The following RBM33 variants were observed in gnomAD, a reference collection of about 807,000 sequenced individuals.
RBM33 encodes RNA-binding protein 33.
A neutral mutation model predicts 132.6 loss-of-function variants in RBM33; 28 were observed. The observed-to-expected ratio is 0.21, with a 90% CI of 0.16 to 0.29. The LOEUF (loss-of-function observed/expected upper bound fraction) is 0.29. Among genes scored for constraint, RBM33 ranks in the 10% least tolerant of loss-of-function variants. RBM33 has a pLI of 1.00. For synonymous variants in RBM33, 634 were observed against 593.0 expected, an observed-to-expected ratio of 1.07 and a Z score of -1.01; for missense variants, 1,291 against 1,518.5, an observed-to-expected ratio of 0.85 and a Z score of 2.49.
chr7:155,678,770 G>C, intron 4 of RBM33, 86 bp downstream of exon 4: 1 of 710,268 alleles, frequency 1.4e-6, no homozygotes, highest in Non-Finnish European at 2.4e-6. Context: ...GAATGTAATT[G>C]AATAATGTAG....
Position 155,745,692 on chromosome 7 carries a change from T to A in RBM33, c.2979+90T>A. 2 of 1,260,264 alleles carry A rather than the reference T, an allele frequency of 1.6e-6. No individual in the cohort carries two copies. Among genetic ancestry groups the A allele is most frequent in the Non-Finnish European group, 2.2e-6 (2 of 925,832 alleles). 78.1% of individuals were successfully genotyped at this position (1,260,264 alleles called of 1,614,324 possible). Reference sequence around the variant, plus strand: ...CAGAGAATGTTTTTGAAGAAAGAATTAAAAGTTACCTCTGTTATAGTCTTG... The same window carrying A: ...CAGAGAATGTTTTTGAAGAAAGAATAAAAAGTTACCTCTGTTATAGTCTTG... On this transcript the variant is annotated intron_variant, in intron 14 of 17. Transcript: ENST00000401878. The surrounding 1 kb of genome is among the most constrained non-coding windows in gnomAD (Gnocchi z 4.1).
intron 14 of RBM33, among the ~76,000 whole-genome samples, chr7:155,762,288 C>T (rs1162689407): frequency 6.6e-6 from 1 of 152,250 alleles, no homozygotes; most frequent in Non-Finnish European, 1.5e-5. Flanking sequence ...ATGGGCTTCC[C>T]TGTGCCTTTC....
rs1180684647 is a variant in RBM33 at position 155,665,238 on chromosome 7, A to C, written c.107A>C (p.Asp36Ala). The C allele has an allele frequency of 6.8e-6, 11 of 1,613,754 alleles. No individual in the cohort carries two copies. The South Asian group carries it at 9.9e-5, about 14-fold the overall frequency. ...CGGTCGTGGAGAAGAAGAGCTGCTG[A>C]TGAGGACTGGGACAGGTACGTGCAC... is the stretch of plus-strand genomic sequence containing the variant. The part of the protein sequence containing the change: ...AERSWRRRAA[D>A]EDWDSELEDD... The change falls in exon 2 of 18, where the codon GAT becomes GCT. Residue 36 changes from aspartate (D) to alanine (A), a missense_variant. By Grantham distance (126) the Asp-to-Ala change is moderately radical. Transcript: ENST00000401878.
chr7:155,765,487 C>T (rs7790211), intron 15 of RBM33, among the ~76,000 whole-genome samples: 43,439 of 152,030 alleles, frequency 0.29, 7,447 homozygotes, highest in African/African-American at 0.48. Context: ...CTTTTGTGTG[C>T]GTGCACACTC....
At chr7:155,675,236 G>A (rs1799143680) in intron 3 of RBM33, among the ~76,000 whole-genome samples, 2 of 147,362 alleles carry the variant, frequency 1.4e-5, no homozygotes, top group East Asian at 4.0e-4. Flanking sequence ...GGAGGTTGCA[G>A]TGAACCGAGA....
At position 155,673,766 on chromosome 7, in the gene RBM33, GCGCACACACA is replaced by G. The variant is rs1563138035; in HGVS notation, c.171+853_171+862del. Among the ~76,000 whole-genome samples, 243 of 120,306 alleles carry G rather than the reference GCGCACACACA, an allele frequency of 2.0e-3. 4 individuals are homozygous for G. The highest frequency in any genetic ancestry group is 3.1e-3 in the Non-Finnish European group (190 of 60,588). The allele number at this position is 120,306 out of a possible 152,430, so 78.9% of individuals were successfully genotyped here. On this transcript the variant is annotated intron_variant, in intron 3 of 17. Transcript: ENST00000401878. ...CACACGTGTATATACGCGCGCATGC[GCGCACACACA>G]CACACACACACACACACACACACAC...
At chr7:155,689,987 CG>C (rs1257777734) in intron 5 of RBM33, among the ~76,000 whole-genome samples, 2 of 152,106 alleles carry the variant, frequency 1.3e-5, no homozygotes, top group African/African-American at 4.8e-5. Context: ...CTATTAGGTC[CG>C]CTTGGTGCAG....
intron 5 of RBM33, among the ~76,000 whole-genome samples, chr7:155,698,381 AT>A (rs1367955495): frequency 6.8e-6 from 1 of 146,590 alleles, no homozygotes; most frequent in South Asian, 2.2e-4. Context: ...AAAAAAAAAA[AT>A]TATACAGGAG....
At chr7:155,766,857 GT>G in intron 16 of RBM33, 2 of 594,596 alleles carry the variant, frequency 3.4e-6, no homozygotes, top group South Asian at 4.3e-5. Flanking sequence ...CAGATTCTTA[GT>G]TATAAATTTT....
intron 1 of RBM33, among the ~76,000 whole-genome samples, chr7:155,656,331 A>G (rs529924127): frequency 6.6e-6 from 1 of 151,968 alleles, no homozygotes; most frequent in South Asian, 2.1e-4. Flanking sequence ...ATCATGGTTA[A>G]AGATCCAATA....
chr7:155,759,286 A>T (rs1447894533), intron 14 of RBM33, among the ~76,000 whole-genome samples: 1 of 152,186 alleles, frequency 6.6e-6, no homozygotes. Context: ...AAGTTTAGAA[A>T]TTTATTTTTC....
chr7:155,759,947 G>A (rs542890555), intron 14 of RBM33, among the ~76,000 whole-genome samples: 2 of 152,226 alleles, frequency 1.3e-5, no homozygotes, highest in East Asian at 3.9e-4. Context: ...TTTCTGCCAC[G>A]TGACACTTCA....
rs533899526 is a variant in RBM33, at chr7:155,738,566, AAT to A, written c.1737+164_1737+165del. 63 of 694,554 alleles carry A rather than the reference AAT, an allele frequency of 9.1e-5. 1 individual carries two copies. In the South Asian group the frequency reaches 1.3e-3, roughly 14 times the overall value. 43.0% of individuals were successfully genotyped at this position (694,554 alleles called of 1,614,324 possible). A position where few individuals can be genotyped will look rare whatever the true frequency, so the allele number is the denominator to read the frequency against. ...TTTGTTAAAGACAACTTTTTTCAAC[AAT>A]GTTACTTATCTCAATACAAGAAAAA... On this transcript the variant is annotated intron_variant, in intron 11 of 17. Transcript: ENST00000401878.
chr7:155,717,051 G>C (rs1800482850), intron 8 of RBM33, among the ~76,000 whole-genome samples: 1 of 152,088 alleles, frequency 6.6e-6, no homozygotes, highest in Admixed American at 6.5e-5. Context: ...GTTTATCATA[G>C]CACCCTGTTT....
intron 2 of RBM33, among the ~76,000 whole-genome samples, chr7:155,665,945 A>G (rs746073220): frequency 4.6e-5 from 7 of 152,240 alleles, no homozygotes; most frequent in Non-Finnish European, 8.8e-5. Flanking sequence ...TGTAACAATT[A>G]CTTTGAAGCT....
chr7:155,678,860 CAG>C (rs1182384258), intron 4 of RBM33, among the ~76,000 whole-genome samples, 176 bp downstream of exon 4: 1 of 152,108 alleles, frequency 6.6e-6, no homozygotes, highest in Non-Finnish European at 1.5e-5. Context: ...GTTCTGTAAA[CAG>C]AGCAGCTGTT....
chr7:155,710,985 G>A (rs1800269081), intron 7 of RBM33, among the ~76,000 whole-genome samples: 1 of 150,388 alleles, frequency 6.6e-6, no homozygotes, highest in African/African-American at 2.5e-5. Context: ...TGACTCAATT[G>A]TGAGACTGTA....
At chr7:155,655,469 C>T (rs1798465556) in intron 1 of RBM33, among the ~76,000 whole-genome samples, 1 of 150,644 alleles carries the variant, frequency 6.6e-6, no homozygotes, top group Non-Finnish European at 1.5e-5. Context: ...CTTGGGAGTC[C>T]CCGAGACTAT....
chr7:155,763,853 C>CCAGCGG lies in RBM33; in HGVS notation c.3023_3028dup (p.Gln1008_Arg1009dup). 6.2e-7 allele frequency: 1 copy of CCAGCGG among 1,612,194 alleles called. No individual in the cohort carries two copies. The highest frequency in any genetic ancestry group is 1.3e-5 in the African/African-American group (1 of 75,034). On this transcript the variant is annotated inframe_insertion, in exon 15 of 18. Transcript: ENST00000401878. ...GCTTTTTTCACCCAGAAGGCCAGCC[C>CCAGCGG]CAGCGGCTTCCCCAGCCTCCGGAAG...
Sources: gnomAD v4.1 joint callset for allele counts (sites outside exome capture counted in the v4.1 genomes callset) on GRCh38, gnomAD v4.1.1 for gene constraint, Gnocchi (gnomAD v3.1) non-coding constraint, MANE v1.5 for transcripts, NCBI Gene and HGNC (gene_info 2026-07-23, HGNC 2026-07-21) for gene names.